The following RBBP4 variants were observed in gnomAD, a reference collection of about 807,000 sequenced individuals.
RBBP4 encodes the protein RB binding protein 4, chromatin remodeling factor.
Under a neutral mutation model 57.2 loss-of-function variants are expected in RBBP4, and 3 were observed. The ratio of observed to expected loss-of-function variants is 0.05; its 90% CI spans 0.02 to 0.14. The LOEUF is 0.14. Among genes scored for constraint, RBBP4 ranks in the 10% least tolerant of loss-of-function variants. The probability of loss-of-function intolerance (pLI) is 1.00; values close to 1 mark genes in which losing one functional copy is unlikely to be tolerated. For synonymous variants in RBBP4, 151 were observed against 171.5 expected (o/e 0.88, Z 0.93); for missense variants, 107 against 520.6 (o/e 0.21, Z 7.73).
intron 3 of RBBP4, among the ~76,000 whole-genome samples, chr1:32,666,960 G>A (rs966355926): frequency 6.6e-6 from 1 of 152,186 alleles, no homozygotes; most frequent in African/African-American, 2.4e-5. Context: ...AAGGCAAGAG[G>A]TGAGCCCTCT....
chr1:32,668,508 T>C, intron 4 of RBBP4, 110 bp downstream of exon 4: 1 of 1,209,596 alleles, frequency 8.3e-7, no homozygotes. Context: ...ATCTTGTGAT[T>C]TGTATTGATA....
chr1:32,671,462 A>C (rs1040239956), intron 8 of RBBP4, among the ~76,000 whole-genome samples: 1 of 152,150 alleles, frequency 6.6e-6, no homozygotes. Context: ...GCACGCCTGT[A>C]ATCCCAGCTA....
At chr1:32,672,094 ATCC>A (rs1378711723) in intron 8 of RBBP4, among the ~76,000 whole-genome samples, 1 of 151,902 alleles carries the variant, frequency 6.6e-6, no homozygotes, top group Non-Finnish European at 1.5e-5. Context: ...GGTTCAAGCA[ATCC>A]TCCTGCCTCA....
chr1:32,667,260 G>A (rs942204671), intron 3 of RBBP4, among the ~76,000 whole-genome samples: 1 of 152,206 alleles, frequency 6.6e-6, no homozygotes, highest in East Asian at 1.9e-4. Context: ...GAAGTTGCTA[G>A]AGGATAGCAG....
chr1:32,658,550 CT>C (rs11419057), intron 3 of RBBP4, among the ~76,000 whole-genome samples: 37 of 139,522 alleles, frequency 2.7e-4, no homozygotes, highest in Non-Finnish European at 2.4e-4. Context: ...AAACGCTTTC[CT>C]TTTTTTTTTT....
chr1:32,668,023 C>G (rs1648728101), intron 3 of RBBP4, among the ~76,000 whole-genome samples: 1 of 151,784 alleles, frequency 6.6e-6, no homozygotes, highest in East Asian at 1.9e-4. Context: ...GGAGAGCTGA[C>G]TGTATTTCTT....
intron 2 of RBBP4, among the ~76,000 whole-genome samples, chr1:32,656,232 T>C (rs920918806): frequency 3.1e-4 from 47 of 152,214 alleles, no homozygotes; most frequent in African/African-American, 1.1e-3. Flanking sequence ...TCTTTCTCTG[T>C]CACCCAGGCT....
chr1:32,670,679 T>G (rs955988935), intron 8 of RBBP4, among the ~76,000 whole-genome samples: 1 of 152,132 alleles, frequency 6.6e-6, no homozygotes. Flanking sequence ...CTAAAGGGAT[T>G]CTCCTGCCTC....
rs60231808 is a variant in RBBP4 at position 32,669,222 on chromosome 1, T to C, written c.762-9T>C. 22,588 of 1,608,824 alleles carry C rather than the reference T, an allele frequency of 0.014. 2,585 individuals are homozygous for C. The African/African-American group carries it at 0.26, about 18-fold the overall frequency. On this transcript the variant is annotated splice_polypyrimidine_tract_variant and intron_variant, in intron 6 of 11. Coordinates refer to ENST00000373493, the MANE Select transcript of RBBP4 (RefSeq NM_005610.3). The surrounding 1 kb of genome is among the most constrained non-coding windows in gnomAD (Gnocchi z 4.9). ...AAGGTTTTTTTCCTTTGTTTTTTTT[T>C]CACTGAAGTTGGGATACTCGTTCAA...
In RBBP4 at chr1:32,651,498, C is replaced by T. The variant is rs535904042; in HGVS notation, c.16+176C>T. The T allele has an allele frequency of 1.6e-3, 2,191 of 1,351,016 alleles. 1 individual carries two copies. Among genetic ancestry groups the T allele is most frequent in the Non-Finnish European group, 1.9e-3 (1,976 of 1,047,766 alleles). 83.7% of individuals were successfully genotyped at this position (1,351,016 alleles called of 1,614,324 possible). A position where few individuals can be genotyped will look rare whatever the true frequency, so the allele number is the denominator to read the frequency against. ...TAACGGCTCGCCAGTTCCCTGGGACCGATTTCGGTCGCAGCTGGCGAAGCC... is the reference window on the plus strand; with the variant it reads ...TAACGGCTCGCCAGTTCCCTGGGACTGATTTCGGTCGCAGCTGGCGAAGCC... On this transcript the variant is annotated intron_variant, in intron 1 of 11. Transcript: ENST00000373493.
intron 2 of RBBP4, among the ~76,000 whole-genome samples, chr1:32,654,842 C>T (rs1178406095): frequency 1.3e-5 from 2 of 152,004 alleles, no homozygotes; most frequent in South Asian, 2.1e-4. Context: ...TACAGGCACC[C>T]GCCACCACGC....
chr1:32,651,772 A>G, intron 1 of RBBP4, 142 bp from the exon 2 acceptor site: 1 of 995,596 alleles, frequency 1.0e-6, no homozygotes, highest in Non-Finnish European at 1.5e-6. Flanking sequence ...GAAAGTGGAG[A>G]GTGTGGATGC....
intron 11 of RBBP4, 33 bp downstream of exon 11, chr1:32,672,934 A>C (rs1300513533): frequency 6.7e-7 from 1 of 1,496,950 alleles, no homozygotes; most frequent in East Asian, 2.3e-5. Flanking sequence ...TGGGGAGGTG[A>C]AATAAGTGAG....
chr1:32,653,014 CTT>C (rs1225624840), intron 2 of RBBP4, among the ~76,000 whole-genome samples: 22 of 152,122 alleles, frequency 1.4e-4, no homozygotes, highest in Admixed American at 1.4e-3. Context: ...GGTGGAATGG[CTT>C]TCTTATAAGG....
chr1:32,651,933 G>A lies in RBBP4; in HGVS notation c.36G>A (p.Val12=), dbSNP rs1327904279. ...ADKEAAFDDA[V]EERVINEEYK... is the part of the protein sequence containing the mutation. ...TTTTAGCAGCCTTCGACGACGCAGTGGAAGAACGAGTGATCAACGAGGAAT... is the reference window on the plus strand; with the variant it reads ...TTTTAGCAGCCTTCGACGACGCAGTAGAAGAACGAGTGATCAACGAGGAAT... Residue 12 remains valine, a synonymous_variant, in exon 2 of 12, where the codon GTG becomes GTA. Transcript: ENST00000373493. The A allele has an allele frequency of 6.2e-7, 1 of 1,613,856 alleles. No homozygotes were observed. Among genetic ancestry groups the A allele is most frequent in the Non-Finnish European group, 8.5e-7 (1 of 1,179,872 alleles).
chr1:32,658,532 A>G (rs1648245472), intron 3 of RBBP4, among the ~76,000 whole-genome samples: 1 of 139,320 alleles, frequency 7.2e-6, no homozygotes, highest in African/African-American at 2.7e-5. Flanking sequence ...ACTGCTCATG[A>G]AATGCTTAAA....
intron 11 of RBBP4, among the ~76,000 whole-genome samples, chr1:32,676,758 TG>T (rs1273719545): frequency 6.6e-6 from 1 of 152,134 alleles, no homozygotes; most frequent in African/African-American, 2.4e-5. Flanking sequence ...TCACTCTCTT[TG>T]TAATAAATCC....
intron 3 of RBBP4, among the ~76,000 whole-genome samples, chr1:32,666,562 G>T (rs577875829): frequency 6.6e-6 from 1 of 151,934 alleles, no homozygotes; most frequent in African/African-American, 2.4e-5. Context: ...TTACCATATC[G>T]GTCAGGCTGG....
intron 2 of RBBP4, among the ~76,000 whole-genome samples, chr1:32,656,460 C>A (rs1467616425): frequency 6.6e-6 from 1 of 152,148 alleles, no homozygotes; most frequent in East Asian, 1.9e-4. Context: ...TCAAGCAGTT[C>A]TCCTGTCGCA....
Sources: allele counts gnomAD v4.1 joint callset (sites outside exome capture counted in the v4.1 genomes callset), GRCh38; gene constraint gnomAD v4.1.1; non-coding constraint Gnocchi (gnomAD v3.1); transcripts MANE v1.5; gene names NCBI Gene and HGNC (gene_info 2026-07-23, HGNC 2026-07-21).